The following SGCZ variants were observed in gnomAD, a reference collection of about 807,000 sequenced individuals.
SGCZ encodes the protein zeta-sarcoglycan.
In SGCZ, 40 loss-of-function variants were observed where a neutral mutation model predicts 41.3. The observed-to-expected ratio is 0.97, with a 90% confidence interval of 0.75 to 1.26. SGCZ has a LOEUF of 1.26. Among genes scored for constraint, SGCZ ranks in the 50% most tolerant of loss-of-function variants. The pLI is 0.00. For synonymous variants in SGCZ, 206 were observed against 137.5 expected (o/e 1.50, Z -3.49); for missense variants, 552 against 369.8 (o/e 1.49, Z -4.04).
chr8:14,746,542 G>A (rs1450151192), intron 1 of SGCZ, among the ~76,000 whole-genome samples: 1 of 151,932 alleles, frequency 6.6e-6, no homozygotes, highest in East Asian at 1.9e-4. Flanking sequence ...CTCTATCTCA[G>A]GATGTGTAAA....
intron 2 of SGCZ, among the ~76,000 whole-genome samples, chr8:14,452,224 T>C (rs1237318830): frequency 1.3e-5 from 2 of 152,108 alleles, no homozygotes; most frequent in Non-Finnish European, 2.9e-5. Context: ...GATTACATAC[T>C]ATATGATTTC....
intron 1 of SGCZ, among the ~76,000 whole-genome samples, chr8:14,566,394 A>C (rs1040931615): frequency 6.7e-6 from 1 of 150,324 alleles, no homozygotes; most frequent in Non-Finnish European, 1.5e-5. Flanking sequence ...CAGTGTGGGT[A>C]GATCTCTCCA....
chr8:14,510,406 C>T (rs865775144), intron 2 of SGCZ, among the ~76,000 whole-genome samples: 6 of 151,322 alleles, frequency 4.0e-5, no homozygotes, highest in Admixed American at 2.0e-4. Flanking sequence ...TTTCCAATTT[C>T]AAAATCTATT....
At chr8:14,819,058 T>C (rs1207491257) in intron 1 of SGCZ, among the ~76,000 whole-genome samples, 4 of 151,826 alleles carry the variant, frequency 2.6e-5, no homozygotes, top group African/African-American at 9.7e-5. Flanking sequence ...CAAAGATCTG[T>C]GGATAGATTC....
intron 1 of SGCZ, among the ~76,000 whole-genome samples, chr8:14,596,465 T>C (rs999371509): frequency 2.0e-5 from 3 of 152,210 alleles, no homozygotes; most frequent in African/African-American, 7.2e-5. Flanking sequence ...CAGATCTGTA[T>C]TTAAATTTTC....
At chr8:14,546,741 A>G (rs1316430054) in intron 2 of SGCZ, among the ~76,000 whole-genome samples, 1 of 152,198 alleles carries the variant, frequency 6.6e-6, no homozygotes, top group East Asian at 1.9e-4. Flanking sequence ...GTTATATGAA[A>G]GCACGGAGTT....
At chr8:14,868,067 T>C (rs375409740) in intron 1 of SGCZ, among the ~76,000 whole-genome samples, 2 of 152,298 alleles carry the variant, frequency 1.3e-5, no homozygotes, top group East Asian at 3.9e-4. Flanking sequence ...TAATTTGAGC[T>C]TCAAGACTGT....
intron 1 of SGCZ, among the ~76,000 whole-genome samples, chr8:14,645,887 T>A (rs963226050): frequency 6.6e-6 from 1 of 151,698 alleles, no homozygotes; most frequent in African/African-American, 2.4e-5. Context: ...AATTGAAGTG[T>A]TCCATAATGT....
intron 1 of SGCZ, among the ~76,000 whole-genome samples, chr8:14,822,940 G>A (rs1192322544): frequency 6.6e-6 from 1 of 151,626 alleles, no homozygotes; most frequent in Non-Finnish European, 1.5e-5. Flanking sequence ...TATAACCCCA[G>A]CTGCTTGGCT....
At chr8:14,598,087 T>C (rs931760190) in intron 1 of SGCZ, among the ~76,000 whole-genome samples, 1 of 152,194 alleles carries the variant, frequency 6.6e-6, no homozygotes, top group African/African-American at 2.4e-5. Flanking sequence ...TATGACTACA[T>C]TGGTTTTTAA....
chr8:14,185,870 A>T (rs1585211340), intron 4 of SGCZ, among the ~76,000 whole-genome samples: 1 of 152,194 alleles, frequency 6.6e-6, no homozygotes, highest in Admixed American at 6.5e-5. Flanking sequence ...TGGAGTTCTC[A>T]TTTAGGTTCA....
chr8:14,185,738 T>C (rs1429261247), intron 4 of SGCZ, among the ~76,000 whole-genome samples: 1 of 152,196 alleles, frequency 6.6e-6, no homozygotes, highest in African/African-American at 2.4e-5. Context: ...TCTCTAAATA[T>C]TTACATGTCC....
In SGCZ at chr8:14,086,230, T is replaced by G. The variant is rs770538488; in HGVS notation, c.*4213A>C. ...TATGAATTTGGCTTTGAGGATTTTA[T>G]AGAAAATTTGGCTATTAAATACTTT... is the stretch of plus-strand genomic sequence containing the variant. On this transcript the variant is annotated 3_prime_UTR_variant, in exon 8 of 8. Transcript: ENST00000382080. Among the ~76,000 whole-genome samples, 1 of 151,824 alleles carries G rather than the reference T, an allele frequency of 6.6e-6. No individual in the cohort carries two copies. Among genetic ancestry groups the G allele is most frequent in the Admixed American group, 6.6e-5 (1 of 15,194 alleles).
At chr8:14,109,931 T>C (rs1169369160) in intron 5 of SGCZ, among the ~76,000 whole-genome samples, 1 of 152,182 alleles carries the variant, frequency 6.6e-6, no homozygotes, top group Non-Finnish European at 1.5e-5. Flanking sequence ...GAACTCTTAA[T>C]GGGCTTAATA....
At chr8:14,934,251 T>G (rs996694756) in intron 1 of SGCZ, among the ~76,000 whole-genome samples, 1 of 151,872 alleles carries the variant, frequency 6.6e-6, no homozygotes, top group Non-Finnish European at 1.5e-5. Flanking sequence ...CCAGAAAGAA[T>G]AGACAGCAGA....
At chr8:14,306,672 T>A (rs552888330) in intron 3 of SGCZ, among the ~76,000 whole-genome samples, 3 of 148,720 alleles carry the variant, frequency 2.0e-5, no homozygotes, top group African/African-American at 7.4e-5. Context: ...CTGTGTCATA[T>A]AGACACTGAA....
intron 1 of SGCZ, among the ~76,000 whole-genome samples, chr8:14,701,895 A>G (rs1809149464): frequency 6.6e-6 from 1 of 151,910 alleles, no homozygotes; most frequent in African/African-American, 2.4e-5. Flanking sequence ...ATATGTGGAA[A>G]TAGTATCCCA....
At chr8:15,218,132 T>G (rs913287833) in intron 1 of SGCZ, among the ~76,000 whole-genome samples, 7 of 152,226 alleles carry the variant, frequency 4.6e-5, no homozygotes, top group African/African-American at 1.7e-4. Context: ...AAATTTTTCT[T>G]TCTTTGTGGG....
intron 5 of SGCZ, among the ~76,000 whole-genome samples, chr8:14,113,533 TTTGAG>T (rs1157136547): frequency 6.6e-6 from 1 of 152,104 alleles, no homozygotes; most frequent in Admixed American, 6.6e-5. Context: ...TCCAGCCTTT[TTTGAG>T]TTTTCTCCTT....
Sources: allele counts gnomAD v4.1 joint callset (sites outside exome capture counted in the v4.1 genomes callset), GRCh38; gene constraint gnomAD v4.1.1; transcripts MANE v1.5; gene names NCBI Gene and HGNC (gene_info 2026-07-23, HGNC 2026-07-21).